OTOG: variants seen among roughly 807,000 people sequenced by gnomAD.
The protein encoded by OTOG is otogelin.
A neutral mutation model predicts 313.8 loss-of-function variants in OTOG; 296 were observed. The observed-to-expected ratio is 0.94, with a 90% CI of 0.86 to 1.04. The LOEUF is 1.04. Among genes scored for constraint, OTOG ranks in the 50% least tolerant of loss-of-function variants. The probability of loss-of-function intolerance (pLI) is 0.00; values close to 1 mark genes in which losing one functional copy is unlikely to be tolerated. For missense variants in OTOG, 3,948 were observed against 3,840.1 expected, an observed-to-expected ratio of 1.03 and a Z score of -0.74; for synonymous variants, 1,533 against 1,554.9, an observed-to-expected ratio of 0.99 and a Z score of 0.33.
At chr11:17,595,558 A>C (rs1270905224) in intron 28 of OTOG, among the ~76,000 whole-genome samples, 1 of 152,182 alleles carries the variant, frequency 6.6e-6, no homozygotes, top group East Asian at 1.9e-4. Flanking sequence ...CTGGGCTCTC[A>C]TCTGGAGGCT....
At chr11:17,553,248 C>G in intron 5 of OTOG, 37 bp downstream of exon 5, 1 of 1,546,026 alleles carries the variant, frequency 6.5e-7, no homozygotes, top group Non-Finnish European at 8.7e-7. Flanking sequence ...AGGAAGGGAC[C>G]TGGGTGCAGG....
chr11:17,557,691 G>A (rs1180043271), intron 8 of OTOG, among the ~76,000 whole-genome samples: 1 of 149,854 alleles, frequency 6.7e-6, no homozygotes, highest in East Asian at 2.0e-4. Flanking sequence ...CACCTATGGA[G>A]GAGTGGTAGG....
At chr11:17,632,315 T>C (rs1214225716) in intron 42 of OTOG, 89 bp downstream of exon 42, 1 of 1,360,668 alleles carries the variant, frequency 7.3e-7, no homozygotes, top group African/African-American at 1.4e-5. Context: ...CCCAAGTTCA[T>C]GTATGCTTTC....
At chr11:17,596,181 C>T (rs577296384) in intron 29 of OTOG, 27 bp downstream of exon 29, 1 of 1,464,394 alleles carries the variant, frequency 6.8e-7, no homozygotes, top group Admixed American at 2.0e-5. Flanking sequence ...CTCGGCTCCT[C>T]CCGAGTGCCC....
intron 39 of OTOG, among the ~76,000 whole-genome samples, chr11:17,618,121 G>A (rs1361683400): frequency 3.3e-5 from 5 of 151,898 alleles, no homozygotes; most frequent in Admixed American, 1.3e-4. Context: ...CAGGATGGTC[G>A]CGATCTCCTG....
chr11:17,629,207 G>A lies in OTOG; in HGVS notation c.6603G>A (p.Met2201Ile). The A allele has an allele frequency of 6.4e-7, 1 of 1,550,606 alleles. No individual in the cohort carries two copies. Among genetic ancestry groups the A allele is most frequent in the Middle Eastern group, 1.7e-4 (1 of 5,992 alleles). Residue 2201 changes from methionine to isoleucine, a missense_variant, in exon 40 of 56, where the codon ATG (methionine) becomes ATA (isoleucine). By Grantham distance (10) the Met-to-Ile change is conservative (BLOSUM62 1). Transcript: ENST00000399397. ...TCAGAATTGAGGACACAGGCCACATGTACATGATCCTGACTCCCTCAGACA... is the reference window on the plus strand; with the variant it reads ...TCAGAATTGAGGACACAGGCCACATATACATGATCCTGACTCCCTCAGACA... ...YGFRIEDTGH[M>I]YMILTPSDIQ...
rs1854256936 is a variant in OTOG at position 17,635,997 on chromosome 11, C to G, written c.7795+286C>G. On this transcript the variant is annotated intron_variant, in intron 47 of 55. Transcript: ENST00000399397. ...GACAAATACTTGGGTCCCTCCATCCCCCACAGCACTGATAAGAAGTCCTCA... is the reference window on the plus strand; with the variant it reads ...GACAAATACTTGGGTCCCTCCATCCGCCACAGCACTGATAAGAAGTCCTCA... Among the ~76,000 whole-genome samples, 5 of 152,316 alleles carry G rather than the reference C, an allele frequency of 3.3e-5. 1 individual carries two copies. The South Asian group carries it at 1.0e-3, about 32-fold the overall frequency.
chr11:17,613,261 T>TTCTTTCTTTCTC (rs1554975584), intron 38 of OTOG, among the ~76,000 whole-genome samples: 17 of 135,070 alleles, frequency 1.3e-4, no homozygotes, highest in African/African-American at 4.7e-4. Context: ...CTTTCTTTCT[T>TTCTTTCTTTCTC]TCTTTCTCTC....
At chr11:17,554,234 G>T (rs1258593884) in intron 6 of OTOG, among the ~76,000 whole-genome samples, 2 of 152,068 alleles carry the variant, frequency 1.3e-5, no homozygotes, top group Non-Finnish European at 2.9e-5. Context: ...CTCCTCACTG[G>T]GTAACTCAAA....
chr11:17,568,766 C>T (rs2134020637), intron 15 of OTOG, among the ~76,000 whole-genome samples: 1 of 152,084 alleles, frequency 6.6e-6, no homozygotes, highest in East Asian at 1.9e-4. Context: ...AGGATGTGAA[C>T]ATGAAATGAA....
At chr11:17,629,596 T>C in intron 40 of OTOG, among the ~76,000 whole-genome samples, 1 of 152,166 alleles carries the variant, frequency 6.6e-6, no homozygotes, top group East Asian at 1.9e-4. Context: ...ATCCTTTCCA[T>C]CTGCATGAGC....
At chr11:17,626,914 A>G (rs1165097722) in intron 39 of OTOG, among the ~76,000 whole-genome samples, 1 of 152,134 alleles carries the variant, frequency 6.6e-6, no homozygotes, top group Admixed American at 6.5e-5. Context: ...TTTATTTTTC[A>G]GATTGTTCAC....
chr11:17,629,352 TC>T, intron 40 of OTOG, 36 bp downstream of exon 40: 1 of 1,524,264 alleles, frequency 6.6e-7, no homozygotes. Flanking sequence ...AGGGGATGCT[TC>T]CCAGGTCCAC....
chr11:17,635,443 T>G (rs568218019), intron 46 of OTOG, among the ~76,000 whole-genome samples, 167 bp from the exon 47 acceptor site: 98 of 152,254 alleles, frequency 6.4e-4, no homozygotes, highest in African/African-American at 1.9e-3. Context: ...GAGGGAGAAC[T>G]TCCAGATTCT....
chr11:17,586,311 C>A (rs983633723), intron 23 of OTOG, among the ~76,000 whole-genome samples, 163 bp from the exon 24 acceptor site: 5 of 152,224 alleles, frequency 3.3e-5, no homozygotes, highest in Non-Finnish European at 5.9e-5. Flanking sequence ...TCCCTCTGAA[C>A]CTCACTGAGC....
At chr11:17,597,109 G>A (rs950797508) in intron 30 of OTOG, 102 bp downstream of exon 30, 2 of 1,402,922 alleles carry the variant, frequency 1.4e-6, no homozygotes, top group Non-Finnish European at 1.9e-6. Flanking sequence ...TGAGTACTTA[G>A]AATGTACCAA....
At chr11:17,612,105 G>T (rs922398516) in intron 36 of OTOG, 57 bp from the exon 37 acceptor site, 7 of 1,536,008 alleles carry the variant, frequency 4.6e-6, no homozygotes, top group Admixed American at 3.9e-5. Flanking sequence ...ATCACAGCTT[G>T]CAGGGTGGGC....
intron 3 of OTOG, among the ~76,000 whole-genome samples, chr11:17,549,732 C>T (rs993454101): frequency 1.3e-5 from 2 of 152,160 alleles, no homozygotes; most frequent in Non-Finnish European, 2.9e-5. Flanking sequence ...GGTAGGCATC[C>T]CGCCTTTTCC....
At chr11:17,569,748 A>G (rs1852365108) in intron 16 of OTOG, among the ~76,000 whole-genome samples, 1 of 152,352 alleles carries the variant, frequency 6.6e-6, no homozygotes, top group South Asian at 2.1e-4. Flanking sequence ...AACAGGCTGC[A>G]GAAATAAATA....
Sources: allele counts gnomAD v4.1 joint callset (sites outside exome capture counted in the v4.1 genomes callset), GRCh38; gene constraint gnomAD v4.1.1; transcripts MANE v1.5; gene names NCBI Gene and HGNC (gene_info 2026-07-23, HGNC 2026-07-21).